Variants in PDE7B observed in about 807,000 individuals in gnomAD.
PDE7B encodes phosphodiesterase 7B, also known as 3',5'-cyclic-AMP phosphodiesterase 7B.
In PDE7B, 29 loss-of-function variants were observed where a neutral mutation model predicts 56.2. The observed-to-expected ratio is 0.52, with a 90% CI of 0.38 to 0.70. The LOEUF (loss-of-function observed/expected upper bound fraction) is 0.70. Ranked by LOEUF, PDE7B falls within the 30% of genes least tolerant of loss-of-function variation. The pLI, the probability that PDE7B is intolerant of heterozygous loss-of-function variation, is 0.00. For missense variants in PDE7B, 490 were observed against 565.0 expected (o/e 0.87, Z 1.35); for synonymous variants, 197 against 196.9 (o/e 1.00, Z 0.00).
chr6:136,054,819 G>A (rs1729652053), intron 2 of PDE7B, among the ~76,000 whole-genome samples: 1 of 152,162 alleles, frequency 6.6e-6, no homozygotes, highest in Non-Finnish European at 1.5e-5. Context: ...GGAAGATGAA[G>A]GAAAAGCAAA....
At chr6:136,182,424 A>C (rs1418952010) in intron 11 of PDE7B, among the ~76,000 whole-genome samples, 1 of 152,236 alleles carries the variant, frequency 6.6e-6, no homozygotes, top group East Asian at 1.9e-4. Flanking sequence ...AGGGGGCTTT[A>C]AATTAGATAT....
At chr6:135,861,053 C>G (rs1384185441) in intron 1 of PDE7B, among the ~76,000 whole-genome samples, 1 of 151,886 alleles carries the variant, frequency 6.6e-6, no homozygotes, top group African/African-American at 2.4e-5. Flanking sequence ...TGTTGCCTAT[C>G]ATTGTATTTT....
At chr6:136,173,943 T>C (rs1778934520) in intron 9 of PDE7B, 55 bp downstream of exon 9, 1 of 1,276,100 alleles carries the variant, frequency 7.8e-7, no homozygotes, top group Non-Finnish European at 1.1e-6. Context: ...GATAAGCCAC[T>C]TTCTCTAGGG....
At chr6:135,943,856 C>T (rs1247643358) in intron 1 of PDE7B, among the ~76,000 whole-genome samples, 2 of 152,312 alleles carry the variant, frequency 1.3e-5, no homozygotes, top group East Asian at 3.9e-4. Flanking sequence ...ATGGACATTA[C>T]ACACATGAAT....
intron 8 of PDE7B, among the ~76,000 whole-genome samples, chr6:136,162,803 T>G (rs564820872): frequency 2.6e-4 from 40 of 152,262 alleles, no homozygotes; most frequent in African/African-American, 8.4e-4. Context: ...AACAAAAGGG[T>G]TACAGGCCCC....
chr6:136,066,799 C>T (rs1776943861), intron 2 of PDE7B, among the ~76,000 whole-genome samples: 1 of 151,806 alleles, frequency 6.6e-6, no homozygotes, highest in Non-Finnish European at 1.5e-5. Flanking sequence ...AATATGAATA[C>T]TGGTTACATC....
intron 2 of PDE7B, among the ~76,000 whole-genome samples, chr6:135,980,215 T>G (rs934338816): frequency 8.5e-5 from 13 of 152,208 alleles, no homozygotes; most frequent in African/African-American, 2.7e-4. Context: ...TAATAAATGG[T>G]GCTGGGAAAA....
intron 2 of PDE7B, among the ~76,000 whole-genome samples, chr6:135,956,201 A>C (rs920485412): frequency 3.3e-5 from 5 of 152,326 alleles, no homozygotes; most frequent in Non-Finnish European, 4.4e-5. Flanking sequence ...TAGCCATCTT[A>C]GCCTAACTAG....
chr6:136,017,800 T>C (rs547784425), intron 2 of PDE7B, among the ~76,000 whole-genome samples: 2 of 152,332 alleles, frequency 1.3e-5, no homozygotes, highest in Admixed American at 1.3e-4. Flanking sequence ...AAATGGGTTC[T>C]TGCTTGGCTT....
At chr6:135,963,477 C>T (rs966157796) in intron 2 of PDE7B, among the ~76,000 whole-genome samples, 2 of 152,124 alleles carry the variant, frequency 1.3e-5, no homozygotes, top group Non-Finnish European at 2.9e-5. Context: ...ATATGAAGAT[C>T]CTGCTGATAC....
rs544004926 is a variant in PDE7B at position 136,018,987 on chromosome 6, A to G, written c.82+71463A>G. ...CCTCTCTCCCCGACTAAGCCCAGAAATGTCTCATGGCCACCCACCCAGCTC... is the reference window on the plus strand; with the variant it reads ...CCTCTCTCCCCGACTAAGCCCAGAAGTGTCTCATGGCCACCCACCCAGCTC... On this transcript the variant is annotated intron_variant, in intron 2 of 12. Transcript: ENST00000308191. Among the ~76,000 whole-genome samples the G allele has an allele frequency of 1.7e-4, 26 of 152,164 alleles. No individual in the cohort carries two copies. In the South Asian group the frequency reaches 5.2e-3, roughly 30 times the overall value.
chr6:136,180,215 C>T (rs1011190968), intron 10 of PDE7B, among the ~76,000 whole-genome samples: 27 of 152,230 alleles, frequency 1.8e-4, no homozygotes, highest in African/African-American at 5.8e-4. Flanking sequence ...AGAACTATGA[C>T]TCCTTCCTTA....
chr6:136,149,062 T>C, intron 4 of PDE7B, 25 bp from the exon 5 acceptor site: 1 of 1,553,288 alleles, frequency 6.4e-7, no homozygotes, highest in Non-Finnish European at 8.9e-7. Flanking sequence ...TTCATTTGCG[T>C]GCTGTTTTTT....
chr6:135,978,266 A>G (rs1173009312), intron 2 of PDE7B, among the ~76,000 whole-genome samples: 2 of 152,198 alleles, frequency 1.3e-5, no homozygotes, highest in African/African-American at 4.8e-5. Flanking sequence ...TAAACATAGA[A>G]AAGGTACAGT....
At chr6:135,969,077 G>A (rs2128202593) in intron 2 of PDE7B, among the ~76,000 whole-genome samples, 1 of 152,286 alleles carries the variant, frequency 6.6e-6, no homozygotes, top group East Asian at 1.9e-4. Flanking sequence ...ATAAATGGCA[G>A]CTGAACAATG....
intron 8 of PDE7B, among the ~76,000 whole-genome samples, chr6:136,168,463 C>G (rs1778830755): frequency 6.9e-6 from 1 of 145,372 alleles, no homozygotes; most frequent in East Asian, 1.9e-4. Context: ...ATCCCCAGTG[C>G]ACACCACAGA....
intron 2 of PDE7B, among the ~76,000 whole-genome samples, chr6:135,969,340 C>T (rs892085653): frequency 6.6e-6 from 1 of 152,032 alleles, no homozygotes; most frequent in African/African-American, 2.4e-5. Flanking sequence ...AATAAAATAG[C>T]TTTGTAATAT....
intron 2 of PDE7B, among the ~76,000 whole-genome samples, chr6:135,948,047 C>T (rs934102894): frequency 2.0e-5 from 3 of 151,998 alleles, no homozygotes; most frequent in African/African-American, 7.2e-5. Flanking sequence ...GATGATATAT[C>T]ATCAATGCCT....
At chr6:136,133,265 G>A (rs545393148) in intron 3 of PDE7B, among the ~76,000 whole-genome samples, 280 of 150,082 alleles carry the variant, frequency 1.9e-3, no homozygotes, top group African/African-American at 6.3e-3. Context: ...AAACAAGAAG[G>A]GGCTGCCAAA....
Sources: allele counts gnomAD v4.1 joint callset (sites outside exome capture counted in the v4.1 genomes callset), GRCh38; gene constraint gnomAD v4.1.1; transcripts MANE v1.5; gene names NCBI Gene and HGNC (gene_info 2026-07-23, HGNC 2026-07-21).